The following ATG7 variants were observed in gnomAD, a reference collection of about 807,000 sequenced individuals.
ATG7 encodes the protein autophagy related 7.
ATG7 carries 70 observed loss-of-function variants against 82.4 expected under a neutral mutation model. That is an observed-to-expected ratio of 0.85 (90% CI 0.70 to 1.04). The LOEUF (loss-of-function observed/expected upper bound fraction) is 1.04, where lower values mean the gene tolerates loss of function less well. Among genes scored for constraint, ATG7 ranks in the 50% least tolerant of loss-of-function variants. The pLI, the probability that ATG7 is intolerant of heterozygous loss-of-function variation, is 0.00. For missense variants in ATG7, 792 were observed against 864.3 expected, an observed-to-expected ratio of 0.92 and a Z score of 1.05; for synonymous variants, 287 against 313.0, an observed-to-expected ratio of 0.92 and a Z score of 0.88.
At chr3:11,527,651 A>G (rs1367379906) in intron 20 of ATG7, among the ~76,000 whole-genome samples, 1 of 152,228 alleles carries the variant, frequency 6.6e-6, no homozygotes, top group Non-Finnish European at 1.5e-5. Flanking sequence ...CCCCACAATC[A>G]TATAGAAGGC....
chr3:11,353,370 A>G (rs2594974), intron 14 of ATG7, among the ~76,000 whole-genome samples: 80,321 of 151,986 alleles, frequency 0.53, 22,093 homozygotes, highest in East Asian at 0.63. Flanking sequence ...ATTTGAACTG[A>G]GAGGCGGAGG....
chr3:11,458,330 C>G (rs184809348), intron 20 of ATG7, among the ~76,000 whole-genome samples: 1 of 152,240 alleles, frequency 6.6e-6, no homozygotes, highest in Non-Finnish European at 1.5e-5. Context: ...GCGGCACCAT[C>G]TCCGCTCACT....
chr3:11,396,782 C>CAAAAAAA (rs776333119), intron 19 of ATG7, among the ~76,000 whole-genome samples: 1 of 94,256 alleles, frequency 1.1e-5, no homozygotes. Context: ...ACTCTGTCTC[C>CAAAAAAA]AAAAAAAAAA....
At chr3:11,533,883 T>C (rs1339212173) in intron 20 of ATG7, among the ~76,000 whole-genome samples, 2 of 152,232 alleles carry the variant, frequency 1.3e-5, no homozygotes, top group African/African-American at 4.8e-5. Flanking sequence ...TGAACCATGC[T>C]TTCCTATTTT....
chr3:11,558,805 C>T, downstream of ATG7: 1 of 1,613,186 alleles, frequency 6.2e-7, no homozygotes, highest in Middle Eastern at 1.7e-4. Flanking sequence ...GCTCCTCCAC[C>T]ACGGGGTCAC....
At chr3:11,544,259 C>A (rs1052502644) in intron 20 of ATG7, among the ~76,000 whole-genome samples, 9 of 152,176 alleles carry the variant, frequency 5.9e-5, no homozygotes, top group African/African-American at 2.2e-4. Context: ...AGACCCTGGG[C>A]CTTCACCCGG....
chr3:11,555,889 C>T lies in ATG7; in HGVS notation c.*1046C>T, dbSNP rs1431496200. 1 of 152,364 alleles carries T rather than the reference C, an allele frequency of 6.6e-6. No homozygotes were observed. Among genetic ancestry groups the T allele is most frequent in the African/African-American group, 2.4e-5 (1 of 41,416 alleles). The allele number at this position is 152,364 out of a possible 1,614,324, so 9.4% of individuals were successfully genotyped here. A position where few individuals can be genotyped will look rare whatever the true frequency, so the allele number is the denominator to read the frequency against. ...GAAAATTGAGTCGAGCTGACCCTTA[C>T]AACAGTAGGATTTAGTAGGGTAGAT... is the stretch of plus-strand genomic sequence containing the variant. On this transcript the variant is annotated 3_prime_UTR_variant, in exon 21 of 21. Transcript: ENST00000693202.
chr3:11,437,099 G>A (rs987345741), intron 20 of ATG7, among the ~76,000 whole-genome samples: 3 of 152,202 alleles, frequency 2.0e-5, no homozygotes. Flanking sequence ...AAGACAAAAA[G>A]TGCCCATAGT....
intron 20 of ATG7, among the ~76,000 whole-genome samples, chr3:11,456,342 T>C (rs968430182): frequency 6.6e-6 from 1 of 152,232 alleles, no homozygotes; most frequent in South Asian, 2.1e-4. Context: ...CCAAGTCATA[T>C]TCCATTGTAG....
At chr3:11,546,474 A>G (rs80275158) in intron 20 of ATG7, among the ~76,000 whole-genome samples, 5,262 of 152,286 alleles carry the variant, frequency 0.035, 106 homozygotes, top group African/African-American at 0.053. Context: ...GCCCAGCCTT[A>G]TTTTAAATGT....
chr3:11,484,401 AAAAC>A (rs200695341), intron 20 of ATG7, among the ~76,000 whole-genome samples: 7,536 of 152,258 alleles, frequency 0.049, 245 homozygotes, highest in African/African-American at 0.091. Context: ...AAAAAATGAA[AAAAC>A]AAACAAACAA....
intron 20 of ATG7, among the ~76,000 whole-genome samples, chr3:11,435,547 T>A (rs1207307497): frequency 6.6e-6 from 1 of 152,148 alleles, no homozygotes; most frequent in Non-Finnish European, 1.5e-5. Context: ...CATATTACAT[T>A]AGAATACTCA....
At chr3:11,574,841 T>TGTGTGTGTG in the ATG7 span, among the ~76,000 whole-genome samples, 1 of 92,652 alleles carries the variant, frequency 1.1e-5, no homozygotes, top group East Asian at 6.0e-4. Flanking sequence ...GTGTGTGTAT[T>TGTGTGTGTG]TTAAAAGCTG....
At chr3:11,384,855 G>C (rs2078195641) in intron 19 of ATG7, among the ~76,000 whole-genome samples, 1 of 152,092 alleles carries the variant, frequency 6.6e-6, no homozygotes. Context: ...CAGCTACTTG[G>C]GGGGCTGAGG....
At chr3:11,474,882 G>A (rs2087956415) in intron 20 of ATG7, among the ~76,000 whole-genome samples, 1 of 152,116 alleles carries the variant, frequency 6.6e-6, no homozygotes. Flanking sequence ...TGGGGGGCCG[G>A]AGCCAGTATG....
rs371102575 is a variant in ATG7, at chr3:11,331,346, A to G, written c.685A>G (p.Ile229Val). The change falls in exon 10 of 21, where the codon ATT (isoleucine) becomes GTT (valine). Residue 229 changes from isoleucine (I) to valine (V), a missense_variant. Physicochemically the swap from Ile to Val is conservative, Grantham distance 29. Transcript: ENST00000693202. Reference sequence around the variant, plus strand: ...AAGTCTTTTTTGTTCACAGATAACAATTGGTGTATATGATCCCTGTAACTT... The same window carrying G: ...AAGTCTTTTTTGTTCACAGATAACAGTTGGTGTATATGATCCCTGTAACTT... Reference protein sequence around the residue: ...FFQGQRTKITIGVYDPCNLAQ... With the variant: ...FFQGQRTKITVGVYDPCNLAQ... The G allele has an allele frequency of 2.7e-5, 43 of 1,612,514 alleles. No homozygotes were observed. Among genetic ancestry groups the G allele is most frequent in the Non-Finnish European group, 3.2e-5 (38 of 1,178,652 alleles).
intron 20 of ATG7, among the ~76,000 whole-genome samples, chr3:11,448,726 C>T (rs751381741): frequency 1.3e-5 from 2 of 152,098 alleles, no homozygotes; most frequent in African/African-American, 2.4e-5. Context: ...TTCCCCTGCC[C>T]GAAGGTGCTA....
At chr3:11,471,284 T>TC (rs1433981618) in intron 20 of ATG7, among the ~76,000 whole-genome samples, 1 of 152,122 alleles carries the variant, frequency 6.6e-6, no homozygotes, top group Non-Finnish European at 1.5e-5. Context: ...CGCTCTGGAC[T>TC]CCTCACACTT....
intron 15 of ATG7, among the ~76,000 whole-genome samples, chr3:11,359,322 T>C (rs552378160): frequency 1.1e-4 from 16 of 152,302 alleles, no homozygotes; most frequent in Middle Eastern, 3.4e-3. Flanking sequence ...TTCTTATTTT[T>C]CAAACTTTCT....
Sources: allele counts gnomAD v4.1 joint callset (sites outside exome capture counted in the v4.1 genomes callset), GRCh38; gene constraint gnomAD v4.1.1; transcripts MANE v1.5; gene names NCBI Gene and HGNC (gene_info 2026-07-23, HGNC 2026-07-21).